Variants in STK32B observed in about 807,000 individuals in gnomAD.
STK32B encodes the protein serine/threonine kinase 32B.
A neutral mutation model predicts 52.6 loss-of-function variants in STK32B; 43 were observed. That is an observed-to-expected ratio of 0.82 (90% CI 0.64 to 1.05). The LOEUF is 1.05. STK32B is among the 50% of genes least tolerant of loss of function. The pLI is 0.00. For missense variants in STK32B, 621 were observed against 534.6 expected (o/e 1.16, Z -1.59); for synonymous variants, 238 against 204.3 (o/e 1.17, Z -1.41).
At chr4:5,283,148 C>T (rs1482456664) in intron 3 of STK32B, among the ~76,000 whole-genome samples, 1 of 152,076 alleles carries the variant, frequency 6.6e-6, no homozygotes. Context: ...TTAGATTCCA[C>T]ATATAAGTGA....
At chr4:5,169,813 C>T (rs1374258126) in intron 3 of STK32B, among the ~76,000 whole-genome samples, 4 of 152,192 alleles carry the variant, frequency 2.6e-5, no homozygotes, top group African/African-American at 9.6e-5. Flanking sequence ...AAATAAAATA[C>T]GTCAGAAAAC....
intron 7 of STK32B, among the ~76,000 whole-genome samples, chr4:5,454,572 TG>T (rs1480517928): frequency 3.3e-5 from 5 of 152,150 alleles, no homozygotes; most frequent in Non-Finnish European, 5.9e-5. Flanking sequence ...TCTGAGGTCC[TG>T]GGGGCTAGGA....
rs556511664 is a variant in STK32B, at chr4:5,355,424, C to T, written c.434+24031C>T. Among the ~76,000 whole-genome samples the T allele has an allele frequency of 3.9e-5, 6 of 152,256 alleles. No homozygotes were observed. In the South Asian group the frequency reaches 1.2e-3, roughly 32 times the overall value. On this transcript the variant is annotated intron_variant, in intron 4 of 11. Transcript: ENST00000282908. ...TCTTCCAAGTTCATATGTTTTCTAC[C>T]TCTCTTCTTCCTTTGCATGATTATC...
intron 1 of STK32B, among the ~76,000 whole-genome samples, chr4:5,084,086 A>G (rs759639872): frequency 2.8e-4 from 43 of 152,056 alleles, no homozygotes; most frequent in Non-Finnish European, 7.3e-5. Context: ...CTGCAACACT[A>G]CTTTTCAGTA....
intron 3 of STK32B, among the ~76,000 whole-genome samples, chr4:5,214,669 C>A (rs1723086889): frequency 6.6e-6 from 1 of 152,216 alleles, no homozygotes; most frequent in Non-Finnish European, 1.5e-5. Context: ...TTAAAAATCA[C>A]TCATGATCTC....
chr4:5,070,074 G>A (rs1711662073), intron 1 of STK32B, among the ~76,000 whole-genome samples: 2 of 152,194 alleles, frequency 1.3e-5, no homozygotes, highest in African/African-American at 2.4e-5. Context: ...CCAGAAGAAG[G>A]TGGCTCTGGC....
chr4:5,457,714 A>G (rs1488976676), intron 8 of STK32B, among the ~76,000 whole-genome samples: 2 of 151,528 alleles, frequency 1.3e-5, no homozygotes, highest in Admixed American at 6.6e-5. Context: ...TAAAAATACA[A>G]AAGTAGCCAC....
intron 5 of STK32B, among the ~76,000 whole-genome samples, chr4:5,409,061 A>G (rs929873005): frequency 1.3e-5 from 2 of 152,214 alleles, no homozygotes; most frequent in African/African-American, 2.4e-5. Flanking sequence ...TGACTAGACA[A>G]TGTTCAGACA....
chr4:5,420,328 G>A (rs1265448119), intron 6 of STK32B, among the ~76,000 whole-genome samples: 1 of 151,998 alleles, frequency 6.6e-6, no homozygotes, highest in Non-Finnish European at 1.5e-5. Context: ...GGCTTTTTTT[G>A]TTGACGACCT....
chr4:5,025,076 C>T, the STK32B span, among the ~76,000 whole-genome samples: 396 of 152,282 alleles, frequency 2.6e-3, 1 homozygote, highest in South Asian at 5.4e-3. Context: ...CCAGGTCCTC[C>T]CCAGGCGCCT....
At chr4:5,227,400 G>A (rs1723953123) in intron 3 of STK32B, among the ~76,000 whole-genome samples, 2 of 151,992 alleles carry the variant, frequency 1.3e-5, no homozygotes, top group Admixed American at 1.3e-4. Flanking sequence ...CCACATATTG[G>A]CATATTCCAT....
intron 11 of STK32B, among the ~76,000 whole-genome samples, chr4:5,480,924 A>C (rs564759513): frequency 2.0e-5 from 3 of 152,200 alleles, no homozygotes; most frequent in Admixed American, 6.5e-5. Flanking sequence ...ATCATTTTTT[A>C]TGGCTGCATA....
At chr4:5,322,971 C>T (rs1173088407) in intron 3 of STK32B, among the ~76,000 whole-genome samples, 2 of 152,184 alleles carry the variant, frequency 1.3e-5, no homozygotes, top group African/African-American at 4.8e-5. Context: ...GAAAACTGAC[C>T]TAGTGACCTT....
At chr4:5,340,425 A>T (rs1732997578) in intron 4 of STK32B, among the ~76,000 whole-genome samples, 1 of 152,242 alleles carries the variant, frequency 6.6e-6, no homozygotes, top group Non-Finnish European at 1.5e-5. Flanking sequence ...CACTGGGCAG[A>T]AGGGCCCAAA....
the STK32B span, among the ~76,000 whole-genome samples, chr4:5,037,516 C>A: frequency 3.9e-5 from 6 of 152,266 alleles, no homozygotes; most frequent in South Asian, 4.2e-4. Flanking sequence ...TTCTGGTTCC[C>A]TAGCTGGAAC....
At chr4:5,475,978 T>C (rs912602047) in intron 11 of STK32B, among the ~76,000 whole-genome samples, 27 of 152,052 alleles carry the variant, frequency 1.8e-4, no homozygotes, top group African/African-American at 5.5e-4. Context: ...CACTGCAACC[T>C]CCGCCTCCCA....
At chr4:5,454,759 C>T (rs530958622) in intron 7 of STK32B, among the ~76,000 whole-genome samples, 198 of 152,186 alleles carry the variant, frequency 1.3e-3, no homozygotes, top group Non-Finnish European at 1.9e-3. Flanking sequence ...CATAAAGATT[C>T]TATGAGCTTT....
At chr4:5,437,881 T>C in intron 6 of STK32B, 1 of 976,648 alleles carries the variant, frequency 1.0e-6, no homozygotes, top group Non-Finnish European at 1.2e-6. Flanking sequence ...TGACATCATT[T>C]TGGTGGCATA....
At chr4:5,313,427 C>T (rs1311627739) in intron 3 of STK32B, among the ~76,000 whole-genome samples, 1 of 151,748 alleles carries the variant, frequency 6.6e-6, no homozygotes, top group African/African-American at 2.4e-5. Context: ...AGACTGAATG[C>T]TTTCTCCCTA....
Sources: allele counts gnomAD v4.1 joint callset (sites outside exome capture counted in the v4.1 genomes callset), GRCh38; gene constraint gnomAD v4.1.1; transcripts MANE v1.5; gene names NCBI Gene and HGNC (gene_info 2026-07-23, HGNC 2026-07-21).